EPN2: variants seen among roughly 807,000 people sequenced by gnomAD.
EPN2 encodes epsin-2.
Under a neutral mutation model 61.7 loss-of-function variants are expected in EPN2, and 34 were observed. The ratio of observed to expected loss-of-function variants is 0.55; its 90% CI spans 0.42 to 0.73. The LOEUF is 0.73. EPN2 is among the 30% of genes least tolerant of loss of function. The pLI is 0.00. For synonymous variants in EPN2, 349 were observed against 353.6 expected (o/e 0.99, Z 0.15); for missense variants, 714 against 839.2 (o/e 0.85, Z 1.84).
intron 5 of EPN2, among the ~76,000 whole-genome samples, chr17:19,310,698 G>A (rs978076195): frequency 4.7e-5 from 7 of 148,164 alleles, no homozygotes; most frequent in East Asian, 2.0e-4. Context: ...GTGCCTCAGC[G>A]TCCCGAGTAG....
intron 1 of EPN2, among the ~76,000 whole-genome samples, chr17:19,265,570 T>A (rs1567847399): frequency 6.6e-6 from 1 of 152,214 alleles, no homozygotes; most frequent in African/African-American, 2.4e-5. Context: ...CCTGCCCTGC[T>A]CTTGGCCCTT....
At chr17:19,280,912 G>GACCC (rs1289733614) in intron 1 of EPN2, among the ~76,000 whole-genome samples, 4 of 152,206 alleles carry the variant, frequency 2.6e-5, no homozygotes, top group Admixed American at 2.6e-4. Context: ...TTCAAGTTGA[G>GACCC]ACCCCTTCTT....
At position 19,283,280 on chromosome 17, in the gene EPN2, C is replaced by G; in HGVS notation, c.161C>G (p.Ser54Trp). 6.2e-7 allele frequency: 1 copy of G among 1,614,094 alleles called. No homozygotes were observed. Among genetic ancestry groups the G allele is most frequent in the Non-Finnish European group, 8.5e-7 (1 of 1,180,008 alleles). ...ADLTYNVVAF[S>W]EIMSMVWKRL... ...CTGACCTACAACGTGGTGGCCTTCTCGGAGATCATGAGCATGGTGTGGAAG... is the reference window on the plus strand; with the variant it reads ...CTGACCTACAACGTGGTGGCCTTCTGGGAGATCATGAGCATGGTGTGGAAG... The change falls in exon 3 of 11, where the codon TCG becomes TGG. Residue 54 changes from serine to tryptophan, a missense_variant. By Grantham distance (177) the Ser-to-Trp change is radical. Transcript: ENST00000314728. This position sits in a 1 kb window ranked among gnomAD's most constrained non-coding sequence, Gnocchi z 7.0.
In EPN2 at chr17:19,328,834, G is replaced by C; in HGVS notation, c.1271G>C (p.Arg424Thr). 6.2e-7 allele frequency: 1 copy of C among 1,613,598 alleles called. No individual in the cohort carries two copies. The highest frequency in any genetic ancestry group is 8.5e-7 in the Non-Finnish European group (1 of 1,179,680). Reference protein sequence around the residue: ...SQQPASSAGKRASDAWGAVST... With the variant: ...SQQPASSAGKTASDAWGAVST... ...CAGCCTGCCTCCAGTGCTGGGAAAA[G>C]AGCTTCTGACGCGTGGGGCGCAGTC... is the stretch of plus-strand genomic sequence containing the variant. The change falls in exon 8 of 11, where the codon AGA becomes ACA. Residue 424 changes from arginine (R) to threonine (T), a missense_variant. Arg to Thr is a moderately conservative substitution (Grantham distance 71, BLOSUM62 -1). Around this residue, in one of 2 missense-constraint regions of EPN2, gnomAD observed 410 missense variants for 421.8 expected, o/e 0.97. Coordinates refer to ENST00000314728, the MANE Select transcript of EPN2 (RefSeq NM_014964.5).
At chr17:19,246,692 T>C (rs1042542725) in intron 1 of EPN2, among the ~76,000 whole-genome samples, 1 of 143,762 alleles carries the variant, frequency 7.0e-6, no homozygotes, top group Non-Finnish European at 1.5e-5. Context: ...CAAAAAAATA[T>C]CCTAGCAATA....
At chr17:19,309,183 A>G (rs986590200) in intron 4 of EPN2, among the ~76,000 whole-genome samples, 1 of 141,580 alleles carries the variant, frequency 7.1e-6, no homozygotes, top group African/African-American at 2.7e-5. Context: ...TCGCTCTGTC[A>G]CTAGGCTGGA....
chr17:19,256,160 A>G (rs1193937232), intron 1 of EPN2, among the ~76,000 whole-genome samples: 7 of 151,948 alleles, frequency 4.6e-5, no homozygotes, highest in African/African-American at 1.5e-4. Context: ...GATGGTCGCG[A>G]TCTCCTGACC....
rs1398157392 is a variant in EPN2 at position 19,335,371 on chromosome 17, A to G, written c.*1117A>G. Reference sequence around the variant, plus strand: ...TCTAATGTATGAATGTGACTCACCAATTTTTATCAACTAATTCCTTTTTTT... The same window carrying G: ...TCTAATGTATGAATGTGACTCACCAGTTTTTATCAACTAATTCCTTTTTTT... On this transcript the variant is annotated 3_prime_UTR_variant, in exon 11 of 11. Coordinates refer to ENST00000314728, the MANE Select transcript of EPN2 (RefSeq NM_014964.5). The G allele has an allele frequency of 6.5e-7, 1 of 1,545,844 alleles. No homozygotes were observed. The highest frequency in any genetic ancestry group is 8.7e-7 in the Non-Finnish European group (1 of 1,144,122).
intron 4 of EPN2, among the ~76,000 whole-genome samples, chr17:19,294,140 G>A (rs889642121): frequency 2.0e-5 from 3 of 151,888 alleles, no homozygotes; most frequent in Admixed American, 6.6e-5. Flanking sequence ...TTGGGAGGCC[G>A]GCTGCAGTGG....
intron 1 of EPN2, among the ~76,000 whole-genome samples, chr17:19,275,664 C>T (rs1368896023): frequency 1.3e-5 from 2 of 152,144 alleles, no homozygotes; most frequent in African/African-American, 4.8e-5. Context: ...GAGTCCTGGG[C>T]CTACTCCTGG....
intron 1 of EPN2, 110 bp downstream of exon 1, chr17:19,237,641 A>C (rs1226241131): frequency 6.6e-6 from 1 of 151,902 alleles, no homozygotes; most frequent in Non-Finnish European, 1.5e-5. Flanking sequence ...CTACCTCACC[A>C]GCCCCGCCAG....
chr17:19,268,122 A>G (rs1157448569), intron 1 of EPN2, among the ~76,000 whole-genome samples: 1 of 151,834 alleles, frequency 6.6e-6, no homozygotes, highest in South Asian at 2.1e-4. Flanking sequence ...CCTCTTCCAT[A>G]CTCAGGCACT....
chr17:19,262,408 G>A (rs557891579), intron 1 of EPN2, among the ~76,000 whole-genome samples: 10 of 152,172 alleles, frequency 6.6e-5, no homozygotes, highest in Admixed American at 5.9e-4. Flanking sequence ...GACCCAGGAG[G>A]CGGAGGTTGC....
chr17:19,287,082 G>C (rs558936905), intron 4 of EPN2, among the ~76,000 whole-genome samples: 146 of 152,168 alleles, frequency 9.6e-4, no homozygotes, highest in Non-Finnish European at 1.8e-3. Context: ...TAGCTCTCCC[G>C]CTGGCAAACT....
At chr17:19,282,834 A>C (rs1307395961) in intron 2 of EPN2, 116 bp from the exon 3 acceptor site, 1 of 343,092 alleles carries the variant, frequency 2.9e-6, no homozygotes, top group East Asian at 5.0e-5. Flanking sequence ...CGTCCTAAGG[A>C]GGCTGGGTAT....
intron 1 of EPN2, among the ~76,000 whole-genome samples, chr17:19,265,050 G>A (rs950156211): frequency 2.6e-5 from 4 of 152,236 alleles, no homozygotes; most frequent in African/African-American, 9.6e-5. Context: ...GTTTTGTCCT[G>A]AAACTGGAGG....
intron 1 of EPN2, among the ~76,000 whole-genome samples, chr17:19,245,528 C>A (rs1265959761): frequency 6.6e-6 from 1 of 151,466 alleles, no homozygotes; most frequent in Non-Finnish European, 1.5e-5. Context: ...CCTCTGCCTC[C>A]CAGGTTCAAG....
In EPN2 at chr17:19,285,024, A is replaced by G. The variant is rs983678611; in HGVS notation, c.596-596A>G. ...GGTTAAATTGCACCAAAACAAATGAAGATTGCCCTTTAAGAAGTGAAATTG... is the reference window on the plus strand; with the variant it reads ...GGTTAAATTGCACCAAAACAAATGAGGATTGCCCTTTAAGAAGTGAAATTG... On this transcript the variant is annotated intron_variant, in intron 3 of 10. Transcript: ENST00000314728. This position sits in a 1 kb window ranked among gnomAD's most constrained non-coding sequence, Gnocchi z 4.5. Among the ~76,000 whole-genome samples the G allele has an allele frequency of 2.0e-5, 3 of 152,236 alleles. No homozygotes were observed. The highest frequency in any genetic ancestry group is 1.5e-5 in the Non-Finnish European group (1 of 68,050).
chr17:19,263,129 C>T (rs912671856), intron 1 of EPN2, among the ~76,000 whole-genome samples: 3 of 152,190 alleles, frequency 2.0e-5, no homozygotes, highest in Non-Finnish European at 2.9e-5. Context: ...CTGTCACCAC[C>T]GCAGGGAATG....
Sources: allele counts gnomAD v4.1 joint callset (sites outside exome capture counted in the v4.1 genomes callset), GRCh38; gene constraint gnomAD v4.1.1; regional missense constraint gnomAD v4.1.1; non-coding constraint Gnocchi (gnomAD v3.1); transcripts MANE v1.5; gene names NCBI Gene and HGNC (gene_info 2026-07-23, HGNC 2026-07-21).